EFCAB6: variants seen among roughly 807,000 people sequenced by gnomAD.
EFCAB6 encodes the protein EF-hand calcium binding domain 6.
Under a neutral mutation model 169.8 loss-of-function variants are expected in EFCAB6, and 156 were observed. The ratio of observed to expected loss-of-function variants is 0.92; its 90% CI spans 0.81 to 1.05. The LOEUF is 1.05. Among genes scored for constraint, EFCAB6 ranks in the 50% least tolerant of loss-of-function variants. EFCAB6 has a pLI of 0.00. For synonymous variants in EFCAB6, 698 were observed against 676.4 expected, an observed-to-expected ratio of 1.03 and a Z score of -0.50; for missense variants, 1,800 against 1,829.1, an observed-to-expected ratio of 0.98 and a Z score of 0.29.
At chr22:43,653,142 G>A (rs948404395) in intron 17 of EFCAB6, among the ~76,000 whole-genome samples, 7 of 152,122 alleles carry the variant, frequency 4.6e-5, no homozygotes, top group Admixed American at 2.0e-4. Context: ...GAGAGAATGC[G>A]CATAACAACA....
chr22:43,598,316 A>C lies in EFCAB6; in HGVS notation c.2876+1753T>G, dbSNP rs1190734078. ...AAGTGAGACACTGTCTCCGGGAAAA[A>C]AAAAAAAAAAAAAAAAAAAAAAGGT... is the stretch of plus-strand genomic sequence containing the variant. On this transcript the variant is annotated intron_variant, in intron 23 of 31. Coordinates refer to ENST00000262726, the MANE Select transcript of EFCAB6 (RefSeq NM_022785.4). 5.3e-4 allele frequency among the ~76,000 whole-genome samples: 78 copies of C among 146,898 alleles called. 3 individuals are homozygous for C. The highest frequency in any genetic ancestry group is 4.1e-3 in the East Asian group (21 of 5,108).
chr22:43,776,950 G>T (rs181005125), intron 3 of EFCAB6, among the ~76,000 whole-genome samples: 1 of 152,188 alleles, frequency 6.6e-6, no homozygotes, highest in Non-Finnish European at 1.5e-5. Context: ...AAATGAGGAA[G>T]AGAGACAAGA....
At chr22:43,700,866 G>A (rs754463672) in intron 10 of EFCAB6, among the ~76,000 whole-genome samples, 3 of 152,034 alleles carry the variant, frequency 2.0e-5, no homozygotes, top group Non-Finnish European at 2.9e-5. Context: ...TAATTCATCC[G>A]CTGAGTTACA....
intron 25 of EFCAB6, 148 bp downstream of exon 25, chr22:43,580,316 C>A (rs1467193220): frequency 9.1e-6 from 7 of 770,268 alleles, no homozygotes; most frequent in East Asian, 2.7e-5. Context: ...AGTGGATACA[C>A]AACTACCCAC....
Position 43,530,920 on chromosome 22 carries a change from C to T in EFCAB6, c.4278G>A (p.Leu1426=). The change falls in exon 31 of 32, where the codon CTG becomes CTA. Residue 1426 remains leucine (L), a synonymous_variant. Coordinates refer to ENST00000262726, the MANE Select transcript of EFCAB6 (RefSeq NM_022785.4). ...AETPSFYSAL[L]RIQPKIVHCW... ...AGTGCACAATTTTGGGCTGAATACG[C>T]AGCAGAGCAGAGTAAAAAGATGGCG... 6.2e-7 allele frequency: 1 copy of T among 1,614,244 alleles called. No homozygotes were observed.
chr22:43,602,800 T>C (rs1365368147), intron 22 of EFCAB6, among the ~76,000 whole-genome samples: 2 of 151,958 alleles, frequency 1.3e-5, no homozygotes, highest in Non-Finnish European at 2.9e-5. Flanking sequence ...TCCTTTGAGC[T>C]CCTCAAGGCG....
At position 43,572,300 on chromosome 22, in the gene EFCAB6, C is replaced by T. The variant is rs1360218144; in HGVS notation, c.3420+3997G>A. 6.6e-6 allele frequency among the ~76,000 whole-genome samples: 1 copy of T among 152,202 alleles called. No individual in the cohort carries two copies. The highest frequency in any genetic ancestry group is 1.5e-5 in the Non-Finnish European group (1 of 68,036). On this transcript the variant is annotated intron_variant, in intron 26 of 31. Coordinates refer to ENST00000262726, the MANE Select transcript of EFCAB6 (RefSeq NM_022785.4). The surrounding 1 kb of genome is among the most constrained non-coding windows in gnomAD (Gnocchi z 4.0). ...GCACATAAAGCTTTAGGAATGTTCTCTCCTTGGTCCAGCAATTCCAGGATC... is the reference window on the plus strand; with the variant it reads ...GCACATAAAGCTTTAGGAATGTTCTTTCCTTGGTCCAGCAATTCCAGGATC...
chr22:43,702,725 C>T (rs2058812424), intron 10 of EFCAB6, among the ~76,000 whole-genome samples: 1 of 152,064 alleles, frequency 6.6e-6, no homozygotes, highest in Non-Finnish European at 1.5e-5. Context: ...AACAGTGGTG[C>T]CCAATCAGAG....
chr22:43,708,421 T>C (rs747383552), intron 10 of EFCAB6, among the ~76,000 whole-genome samples: 2 of 150,486 alleles, frequency 1.3e-5, no homozygotes, highest in Admixed American at 6.6e-5. Context: ...ACTTAGCCAA[T>C]ACCAAACAAG....
At chr22:43,787,106 C>T (rs1400813884) in intron 2 of EFCAB6, among the ~76,000 whole-genome samples, 1 of 152,074 alleles carries the variant, frequency 6.6e-6, no homozygotes, top group African/African-American at 2.4e-5. Context: ...CAGGTAATGT[C>T]ATATTTAATG....
chr22:43,781,294 C>T (rs1276556350), intron 3 of EFCAB6, among the ~76,000 whole-genome samples: 1 of 152,116 alleles, frequency 6.6e-6, no homozygotes. Flanking sequence ...CTTACAATTG[C>T]AAAACACGGA....
chr22:43,583,241 C>T (rs1165058383), intron 24 of EFCAB6, among the ~76,000 whole-genome samples: 1 of 151,656 alleles, frequency 6.6e-6, no homozygotes, highest in African/African-American at 2.4e-5. Context: ...CATCTTACTC[C>T]CCATGCTTGG....
intron 24 of EFCAB6, among the ~76,000 whole-genome samples, chr22:43,582,896 A>C (rs2147328712): frequency 6.6e-6 from 1 of 152,368 alleles, no homozygotes; most frequent in East Asian, 1.9e-4. Flanking sequence ...AGGCTACTGC[A>C]AACAACTACC....
chr22:43,760,103 T>C (rs1300425832), intron 5 of EFCAB6, among the ~76,000 whole-genome samples: 4 of 145,786 alleles, frequency 2.7e-5, no homozygotes, highest in African/African-American at 7.7e-5. Flanking sequence ...ACTTGGGAGG[T>C]TGAGACAGAA....
intron 18 of EFCAB6, 117 bp from the exon 19 acceptor site, chr22:43,632,355 A>C (rs1378716114): frequency 1.4e-6 from 2 of 1,403,126 alleles, no homozygotes; most frequent in South Asian, 1.4e-5. Flanking sequence ...GCTGGAGCGC[A>C]GTGGTGCAAT....
chr22:43,786,231 C>T (rs888101498), intron 2 of EFCAB6, among the ~76,000 whole-genome samples: 2 of 152,066 alleles, frequency 1.3e-5, no homozygotes, highest in African/African-American at 4.8e-5. Flanking sequence ...GGCATGGTGG[C>T]GCATGCTTGT....
Position 43,667,016 on chromosome 22 carries a change from G to A in EFCAB6, c.1983+88C>T, listed in dbSNP as rs1157104288. On this transcript the variant is annotated intron_variant, in intron 17 of 31. Transcript: ENST00000262726. ...TAGAAATGGATCTGCTGCGTCCTGG[G>A]ATAAGCCATTGTCCTTTAAAGTATG... The A allele has an allele frequency of 2.7e-6, 4 of 1,461,162 alleles. No homozygotes were observed. The Admixed American group carries it at 8.8e-5, about 32-fold the overall frequency. The allele number at this position is 1,461,162 out of a possible 1,614,324, so 90.5% of individuals were successfully genotyped here. A position where few individuals can be genotyped will look rare whatever the true frequency, so the allele number is the denominator to read the frequency against.
intron 26 of EFCAB6, among the ~76,000 whole-genome samples, chr22:43,559,720 G>A (rs545625196): frequency 5.4e-4 from 83 of 152,328 alleles, no homozygotes; most frequent in Non-Finnish European, 1.0e-3. Context: ...CAGGGATATG[G>A]ATAAAGCTGG....
At chr22:43,643,087 A>G (rs2055907193) in intron 17 of EFCAB6, among the ~76,000 whole-genome samples, 1 of 152,214 alleles carries the variant, frequency 6.6e-6, no homozygotes, top group Non-Finnish European at 1.5e-5. Context: ...GGCTCCAGAC[A>G]GGAACGGAAG....
Sources: allele counts gnomAD v4.1 joint callset (sites outside exome capture counted in the v4.1 genomes callset), GRCh38; gene constraint gnomAD v4.1.1; non-coding constraint Gnocchi (gnomAD v3.1); transcripts MANE v1.5; gene names NCBI Gene and HGNC (gene_info 2026-07-23, HGNC 2026-07-21).